Variants in ABCD2 observed in about 807,000 individuals in gnomAD.
ABCD2 encodes ATP-binding cassette sub-family D member 2.
Under a neutral mutation model 70.9 loss-of-function variants are expected in ABCD2, and 36 were observed. The ratio of observed to expected loss-of-function variants is 0.51; its 90% CI spans 0.39 to 0.67. The LOEUF (loss-of-function observed/expected upper bound fraction) is 0.67. ABCD2 is among the 30% of genes least tolerant of loss of function. ABCD2 has a pLI of 0.00. For missense variants in ABCD2, 729 were observed against 890.2 expected (o/e 0.82, Z 2.30); for synonymous variants, 304 against 306.9 (o/e 0.99, Z 0.10).
the ABCD2 span, among the ~76,000 whole-genome samples, chr12:39,534,623 G>A: frequency 6.6e-5 from 10 of 150,416 alleles, no homozygotes; most frequent in African/African-American, 2.0e-4. Context: ...ACCAATGTGG[G>A]CAACACAGGG....
intron 9 of ABCD2, among the ~76,000 whole-genome samples, chr12:39,559,838 A>G (rs1317539882): frequency 1.3e-5 from 2 of 152,218 alleles, no homozygotes; most frequent in Non-Finnish European, 2.9e-5. Flanking sequence ...GAGGGGCTTT[A>G]TCACCACCAG....
downstream of ABCD2, among the ~76,000 whole-genome samples, chr12:39,547,942 A>AGT (rs1555215210): frequency 1.3e-5 from 2 of 151,764 alleles, no homozygotes; most frequent in African/African-American, 4.8e-5. Flanking sequence ...GTCAGGTTGT[A>AGT]AAATATATGT....
At chr12:39,545,571 C>T (rs375742875), downstream of ABCD2, among the ~76,000 whole-genome samples, 8 of 152,238 alleles carry the variant, frequency 5.3e-5, no homozygotes, top group East Asian at 3.9e-4. Flanking sequence ...TCACTCAAGC[C>T]GATACCTAAG....
chr12:39,586,037 T>C lies in ABCD2; in HGVS notation c.1792+115A>G, dbSNP rs11172692. ...CAATAAAACTCCATCTTTACACTTA[T>C]GTGCTTATTTCCGATTATAGCATAC... On this transcript the variant is annotated intron_variant, in intron 7 of 9. Transcript: ENST00000308666. 0.11 allele frequency: 104,241 copies of C among 917,824 alleles called. 6,106 individuals are homozygous for C. The highest frequency in any genetic ancestry group is 0.16 in the East Asian group (5,735 of 36,996). 56.9% of individuals were successfully genotyped at this position (917,824 alleles called of 1,614,324 possible).
At chr12:39,549,174 T>C (rs1941055453), downstream of ABCD2, among the ~76,000 whole-genome samples, 1 of 151,830 alleles carries the variant, frequency 6.6e-6, no homozygotes, top group African/African-American at 2.4e-5. Flanking sequence ...TAAGGACTGG[T>C]TTTGTTGGAA....
chr12:39,559,403 G>GAAAAAAAAAAA (rs1941219580), intron 9 of ABCD2, among the ~76,000 whole-genome samples: 1 of 143,148 alleles, frequency 7.0e-6, no homozygotes. Flanking sequence ...AAAAAAAAAG[G>GAAAAAAAAAAA]AAATATATGA....
At chr12:39,538,726 G>A in the ABCD2 span, among the ~76,000 whole-genome samples, 1 of 152,160 alleles carries the variant, frequency 6.6e-6, no homozygotes, top group Admixed American at 6.5e-5. Context: ...CAGTCCCAAG[G>A]CGCAAGGCTA....
intron 6 of ABCD2, among the ~76,000 whole-genome samples, chr12:39,590,616 A>G (rs1265739097): frequency 6.6e-6 from 1 of 152,032 alleles, no homozygotes; most frequent in Non-Finnish European, 1.5e-5. Context: ...ATTCAATTAT[A>G]ATAGTAAAAT....
intron 9 of ABCD2, among the ~76,000 whole-genome samples, chr12:39,560,906 C>T (rs1941247465): frequency 6.6e-6 from 1 of 151,570 alleles, no homozygotes; most frequent in Non-Finnish European, 1.5e-5. Flanking sequence ...GTAGTAGACG[C>T]ACTAAAAATA....
chr12:39,538,548 G>T, the ABCD2 span, among the ~76,000 whole-genome samples: 1 of 152,118 alleles, frequency 6.6e-6, no homozygotes, highest in Admixed American at 6.5e-5. Context: ...TGTTCAAGAC[G>T]CCAAGAACCT....
At chr12:39,584,911 G>A (rs1458884289) in intron 7 of ABCD2, among the ~76,000 whole-genome samples, 1 of 152,106 alleles carries the variant, frequency 6.6e-6, no homozygotes, top group Non-Finnish European at 1.5e-5. Flanking sequence ...TGCTGTTTTG[G>A]TTACTGTAGA....
the ABCD2 span, among the ~76,000 whole-genome samples, chr12:39,537,319 C>T: frequency 4.6e-5 from 7 of 152,216 alleles, no homozygotes; most frequent in African/African-American, 1.7e-4. Context: ...CTAGTTGTGC[C>T]AGTCTATAAC....
intron 6 of ABCD2, among the ~76,000 whole-genome samples, chr12:39,600,269 C>G (rs548545901): frequency 6.6e-6 from 1 of 152,210 alleles, no homozygotes; most frequent in South Asian, 2.1e-4. Flanking sequence ...AATCTGACAT[C>G]TCAGGCAATC....
At chr12:39,533,092 G>A in the ABCD2 span, among the ~76,000 whole-genome samples, 5 of 151,958 alleles carry the variant, frequency 3.3e-5, no homozygotes, top group African/African-American at 1.2e-4. Context: ...TTGAACCTGG[G>A]AAGCGGAGAT....
At position 39,564,828 on chromosome 12, in the gene ABCD2, A is replaced by T. The variant is rs557928974; in HGVS notation, c.2003+8888T>A. Among the ~76,000 whole-genome samples, 5 of 152,314 alleles carry T rather than the reference A, an allele frequency of 3.3e-5. No homozygotes were observed. In the East Asian group the frequency reaches 9.6e-4, roughly 29 times the overall value. ...TGTATAAGGTGTAAGGAAGGGATCC[A>T]GTTTCAGCTTTCTACTTATGGCTAG... is the stretch of plus-strand genomic sequence containing the variant. On this transcript the variant is annotated intron_variant, in intron 9 of 9. Coordinates refer to ENST00000308666, the MANE Select transcript of ABCD2 (RefSeq NM_005164.4).
chr12:39,546,553 G>A (rs752681582), downstream of ABCD2, among the ~76,000 whole-genome samples: 69 of 152,076 alleles, frequency 4.5e-4, 1 homozygote, highest in Admixed American at 3.3e-4. Context: ...ATAAAACTGG[G>A]TAATGTGTTG....
In ABCD2 at chr12:39,613,300, G is replaced by C. The variant is rs1380067797; in HGVS notation, c.1120+3688C>G. ...ACTTGGGAGGCTGAGGCAGGAGAAT[G>C]GCGTGAACCCGGGAGGCGGAGCTTG... On this transcript the variant is annotated intron_variant, in intron 2 of 9. Transcript: ENST00000308666. Among the ~76,000 whole-genome samples the C allele has an allele frequency of 1.9e-5, 2 of 104,900 alleles. 1 individual carries two copies. Among genetic ancestry groups the C allele is most frequent in the South Asian group, 5.6e-4 (2 of 3,576 alleles). The allele number at this position is 104,900 out of a possible 152,430, so 68.8% of individuals were successfully genotyped here. A position where few individuals can be genotyped will look rare whatever the true frequency, so the allele number is the denominator to read the frequency against.
intron 9 of ABCD2, among the ~76,000 whole-genome samples, chr12:39,564,980 T>C (rs1427425899): frequency 6.6e-6 from 1 of 152,244 alleles, no homozygotes; most frequent in Non-Finnish European, 1.5e-5. Context: ...TTCTGTTCCA[T>C]TGGCTATATC....
At chr12:39,538,273 G>A in the ABCD2 span, among the ~76,000 whole-genome samples, 3 of 150,878 alleles carry the variant, frequency 2.0e-5, no homozygotes, top group African/African-American at 7.3e-5. Flanking sequence ...GGGTTCAAGC[G>A]ATTCTCCTGT....
Sources: gnomAD v4.1 joint callset for allele counts (sites outside exome capture counted in the v4.1 genomes callset) on GRCh38, gnomAD v4.1.1 for gene constraint, MANE v1.5 for transcripts, NCBI Gene and HGNC (gene_info 2026-07-23, HGNC 2026-07-21) for gene names.